IPMK: variants seen among roughly 807,000 people sequenced by gnomAD.
IPMK encodes the protein inositol 1,3,4,6-tetrakisphosphate 5-kinase.
IPMK carries 17 observed loss-of-function variants against 45.8 expected under a neutral mutation model. The ratio of observed to expected loss-of-function variants is 0.37; its 90% confidence interval spans 0.25 to 0.56. The LOEUF (loss-of-function observed/expected upper bound fraction) is 0.56. IPMK is among the 20% of genes least tolerant of loss of function. The pLI is 0.79. For synonymous variants in IPMK, 180 were observed against 184.3 expected (o/e 0.98, Z 0.19); for missense variants, 399 against 498.0 (o/e 0.80, Z 1.89).
At chr10:58,208,867 C>T (rs1838113463) in intron 4 of IPMK, among the ~76,000 whole-genome samples, 1 of 152,184 alleles carries the variant, frequency 6.6e-6, no homozygotes, top group Non-Finnish European at 1.5e-5. Flanking sequence ...ATGTAATACC[C>T]AATGGTGGGC....
At chr10:58,204,824 G>T (rs1210119742) in intron 4 of IPMK, among the ~76,000 whole-genome samples, 2 of 151,962 alleles carry the variant, frequency 1.3e-5, no homozygotes, top group African/African-American at 2.4e-5. Flanking sequence ...ATTTAAAAAA[G>T]AACAAAATTG....
intron 5 of IPMK, 28 bp from the exon 6 acceptor site, chr10:58,196,726 A>C: frequency 7.0e-7 from 1 of 1,419,746 alleles, no homozygotes; most frequent in South Asian, 1.4e-5. Flanking sequence ...TGAGCGTTAT[A>C]ATCAAATTAT....
At chr10:58,215,981 A>T (rs563793297) in intron 4 of IPMK, among the ~76,000 whole-genome samples, 164 bp downstream of exon 4, 4 of 152,090 alleles carry the variant, frequency 2.6e-5, no homozygotes, top group African/African-American at 7.2e-5. Context: ...AAAAAAAAAA[A>T]ATTTTTTAAT....
intron 1 of IPMK, among the ~76,000 whole-genome samples, chr10:58,266,908 G>A (rs551131335): frequency 6.6e-6 from 1 of 152,168 alleles, no homozygotes; most frequent in East Asian, 1.9e-4. Context: ...AAAAATCACG[G>A]ACAAGCTTTC....
At position 58,267,668 on chromosome 10, in the gene IPMK, A is replaced by C; in HGVS notation, c.-57T>G. On this transcript the variant is annotated 5_prime_UTR_variant, in exon 1 of 6. Coordinates refer to ENST00000373935, the MANE Select transcript of IPMK (RefSeq NM_152230.5). ...AGTAGGAAAAAAAATAGGGCGAGGGAGGGGGCGCCGGAGAACCCGAGGGTC... is the reference window on the plus strand; with the variant it reads ...AGTAGGAAAAAAAATAGGGCGAGGGCGGGGGCGCCGGAGAACCCGAGGGTC... The C allele has an allele frequency of 8.8e-7, 1 of 1,136,728 alleles. No homozygotes were observed. Among genetic ancestry groups the C allele is most frequent in the Non-Finnish European group, 1.3e-6 (1 of 774,888 alleles). 70.4% of individuals were successfully genotyped at this position (1,136,728 alleles called of 1,614,324 possible). A position where few individuals can be genotyped will look rare whatever the true frequency, so the allele number is the denominator to read the frequency against.
chr10:58,264,002 T>G (rs1004151756), intron 1 of IPMK, among the ~76,000 whole-genome samples: 2 of 152,226 alleles, frequency 1.3e-5, no homozygotes, highest in African/African-American at 4.8e-5. Context: ...GACCAGATCC[T>G]GTACTGAGAA....
chr10:58,251,449 G>C (rs1164128417), intron 1 of IPMK, among the ~76,000 whole-genome samples: 1 of 150,736 alleles, frequency 6.6e-6, no homozygotes, highest in African/African-American at 2.5e-5. Context: ...AAAAAAATGT[G>C]TATTCTGCAA....
chr10:58,222,327 G>A (rs1838348848), intron 3 of IPMK, among the ~76,000 whole-genome samples: 2 of 152,134 alleles, frequency 1.3e-5, no homozygotes, highest in Admixed American at 1.3e-4. Flanking sequence ...TACAAGTAAA[G>A]GCAGAATTTT....
At chr10:58,227,900 T>G (rs914230564) in intron 2 of IPMK, among the ~76,000 whole-genome samples, 3 of 152,208 alleles carry the variant, frequency 2.0e-5, no homozygotes, top group Non-Finnish European at 4.4e-5. Context: ...CTAAAATTAA[T>G]GAAGTTTACT....
At chr10:58,241,036 G>A (rs184691317) in intron 1 of IPMK, among the ~76,000 whole-genome samples, 9 of 152,232 alleles carry the variant, frequency 5.9e-5, no homozygotes, top group Non-Finnish European at 5.9e-5. Context: ...AAGCCATTGT[G>A]GATGGCAGAA....
At chr10:58,236,589 A>T (rs1838615870) in intron 2 of IPMK, among the ~76,000 whole-genome samples, 1 of 152,106 alleles carries the variant, frequency 6.6e-6, no homozygotes, top group Non-Finnish European at 1.5e-5. Context: ...TTCAATATTC[A>T]CTCATGCATT....
intron 1 of IPMK, among the ~76,000 whole-genome samples, chr10:58,243,164 G>C (rs564458713): frequency 6.6e-6 from 1 of 152,170 alleles, no homozygotes; most frequent in South Asian, 2.1e-4. Context: ...GCACACCCAT[G>C]TTGATTATAA....
At chr10:58,260,668 C>T (rs769763966) in intron 1 of IPMK, among the ~76,000 whole-genome samples, 1 of 151,780 alleles carries the variant, frequency 6.6e-6, no homozygotes, top group Non-Finnish European at 1.5e-5. Flanking sequence ...CAAAAAAAAA[C>T]TTAAGGCAGT....
At chr10:58,240,251 A>G (rs963388491) in intron 1 of IPMK, among the ~76,000 whole-genome samples, 2 of 152,184 alleles carry the variant, frequency 1.3e-5, no homozygotes, top group African/African-American at 4.8e-5. Context: ...TATCTGAAAT[A>G]AAAAATTTAA....
intron 2 of IPMK, among the ~76,000 whole-genome samples, chr10:58,234,312 T>C (rs1838574808): frequency 6.6e-6 from 1 of 152,168 alleles, no homozygotes; most frequent in Admixed American, 6.5e-5. Flanking sequence ...TGGAAAAAAC[T>C]ACTTTAAAGA....
chr10:58,196,616 CAG>C lies in IPMK; in HGVS notation c.709_710del (p.Leu237AlafsTer4), dbSNP rs1246198064. The C allele has an allele frequency of 6.2e-7, 1 of 1,613,822 alleles. No individual in the cohort carries two copies. The highest frequency in any genetic ancestry group is 1.3e-5 in the African/African-American group (1 of 74,916). ...AASIQKIEKI[L>X]QWFENQKQLN... The stretch of plus-strand genomic sequence containing the variant: ...GCTGCTTCTGGTTTTCAAACCACTG[CAG>C]AATTTTCTCAATCTTCTGAATACTG... On this transcript the variant is annotated frameshift_variant, in exon 6 of 6. Transcript: ENST00000373935. LOFTEE classifies it high-confidence loss of function.
At chr10:58,208,517 C>T (rs1433391323) in intron 4 of IPMK, among the ~76,000 whole-genome samples, 3 of 151,958 alleles carry the variant, frequency 2.0e-5, no homozygotes, top group Non-Finnish European at 4.4e-5. Context: ...TTTACTTTTT[C>T]TCTCTCTCTC....
At chr10:58,236,906 CA>C (rs1406084341) in intron 2 of IPMK, among the ~76,000 whole-genome samples, 3 of 152,148 alleles carry the variant, frequency 2.0e-5, no homozygotes, top group Non-Finnish European at 2.9e-5. Context: ...CCCATCTCTA[CA>C]AAAAATGCAA....
At chr10:58,213,410 C>A (rs750326072) in intron 4 of IPMK, among the ~76,000 whole-genome samples, 1 of 152,134 alleles carries the variant, frequency 6.6e-6, no homozygotes, top group Non-Finnish European at 1.5e-5. Flanking sequence ...AGAGGCTGGG[C>A]GCGGTGGCTC....
Sources: allele counts gnomAD v4.1 joint callset (sites outside exome capture counted in the v4.1 genomes callset), GRCh38; gene constraint gnomAD v4.1.1; transcripts MANE v1.5; gene names NCBI Gene and HGNC (gene_info 2026-07-23, HGNC 2026-07-21).